The following TET3 variants were observed in gnomAD, a reference collection of about 807,000 sequenced individuals.
TET3 encodes methylcytosine dioxygenase TET3.
TET3 carries 19 observed loss-of-function variants against 141.4 expected under a neutral mutation model. The ratio of observed to expected loss-of-function variants is 0.13; its 90% CI spans 0.09 to 0.20. The LOEUF (loss-of-function observed/expected upper bound fraction) is 0.20, where lower values mean the gene tolerates loss of function less well. Among genes scored for constraint, TET3 ranks in the 10% least tolerant of loss-of-function variants. The probability of loss-of-function intolerance (pLI) is 1.00; values close to 1 mark genes in which losing one functional copy is unlikely to be tolerated. For synonymous variants in TET3, 1,043 were observed against 980.9 expected (o/e 1.06, Z -1.18); for missense variants, 1,874 against 2,356.9 (o/e 0.80, Z 4.24).
At position 74,107,681 on chromosome 2, in the gene TET3, ATTTCTTATCTCTTTGAATTCCTGT is replaced by A. The variant is rs1691582519; in HGVS notation, c.*5508_*5531del. Reference sequence around the variant, plus strand: ...CCCCTGTAGCTTTTTGATGTGTTTTATTTCTTATCTCTTTGAATTCCTGTTTGGTTACTTGGCTTCCAATGGAGG... The same window carrying A: ...CCCCTGTAGCTTTTTGATGTGTTTTATTGGTTACTTGGCTTCCAATGGAGG... On this transcript the variant is annotated 3_prime_UTR_variant, in exon 12 of 12. Transcript: ENST00000409262. 6.6e-6 allele frequency: 1 copy of A among 152,092 alleles called. No individual in the cohort carries two copies. Among genetic ancestry groups the A allele is most frequent in the Non-Finnish European group, 1.5e-5 (1 of 68,012 alleles). The allele number at this position is 152,092 out of a possible 1,614,324, so 9.4% of individuals were successfully genotyped here.
intron 3 of TET3, among the ~76,000 whole-genome samples, chr2:74,042,958 C>T (rs1275960835): frequency 6.6e-6 from 1 of 152,198 alleles, no homozygotes; most frequent in Admixed American, 6.5e-5. Flanking sequence ...CATTTTCCTT[C>T]CCAGGGAATT....
chr2:74,126,452 A>C, the TET3 span, among the ~76,000 whole-genome samples: 1 of 150,860 alleles, frequency 6.6e-6, no homozygotes, highest in Non-Finnish European at 1.5e-5. Flanking sequence ...ATCTGTGTAG[A>C]GTTTTAAATC....
chr2:74,067,802 A>T (rs566985970), intron 4 of TET3, among the ~76,000 whole-genome samples: 1 of 152,366 alleles, frequency 6.6e-6, no homozygotes, highest in Admixed American at 6.5e-5. Context: ...GTTACATGGG[A>T]TACCGAGTGG....
the TET3 span, chr2:74,134,577 G>C: frequency 2.4e-6 from 1 of 412,588 alleles, no homozygotes; most frequent in South Asian, 1.8e-5. Context: ...AGGCAAAGGA[G>C]TGTGAGAGAG....
At position 74,090,771 on chromosome 2, in the gene TET3, C is replaced by T. The variant is rs540648276; in HGVS notation, c.3039+724C>T. Among the ~76,000 whole-genome samples the T allele has an allele frequency of 2.6e-5, 4 of 152,366 alleles. No homozygotes were observed. In the South Asian group the frequency reaches 8.3e-4, roughly 32 times the overall value. On this transcript the variant is annotated intron_variant, in intron 8 of 11. Coordinates refer to ENST00000409262, the MANE Select transcript of TET3 (RefSeq NM_001287491.2). ...CTGATGCCTGCATGGCAAAGGCCCT[C>T]CTGAGAGGCGGTCTCCACTCAGCTC...
At chr2:74,115,372 G>C in the TET3 span, among the ~76,000 whole-genome samples, 1 of 152,126 alleles carries the variant, frequency 6.6e-6, no homozygotes, top group Non-Finnish European at 1.5e-5. Context: ...TAAGCCACGG[G>C]ATAAAAAGGA....
intron 3 of TET3, among the ~76,000 whole-genome samples, chr2:74,018,888 A>C (rs186170699): frequency 1.3e-5 from 2 of 152,258 alleles, no homozygotes; most frequent in Non-Finnish European, 2.9e-5. Context: ...TTTACAATGA[A>C]TCTTCCTATC....
intron 4 of TET3, among the ~76,000 whole-genome samples, chr2:74,054,085 A>T: frequency 6.6e-6 from 1 of 152,294 alleles, no homozygotes; most frequent in East Asian, 1.9e-4. Flanking sequence ...AGACACATGA[A>T]GATGCGGAAG....
chr2:74,009,539 A>G (rs1685318917), intron 3 of TET3, among the ~76,000 whole-genome samples: 1 of 152,198 alleles, frequency 6.6e-6, no homozygotes, highest in African/African-American at 2.4e-5. Context: ...TAGGGGAGGA[A>G]TACAGAAATG....
the TET3 span, among the ~76,000 whole-genome samples, chr2:74,114,922 C>T: frequency 6.9e-6 from 1 of 145,702 alleles, no homozygotes; most frequent in East Asian, 2.1e-4. Context: ...AAACTAGAAT[C>T]CCACTTCTCA....
chr2:74,075,020 G>GCCA (rs1381923873), intron 5 of TET3, among the ~76,000 whole-genome samples: 1 of 152,064 alleles, frequency 6.6e-6, no homozygotes, highest in African/African-American at 2.4e-5. Flanking sequence ...ACAGGCGCCT[G>GCCA]CCACCACGCC....
chr2:74,126,349 T>C, the TET3 span, among the ~76,000 whole-genome samples: 2 of 152,204 alleles, frequency 1.3e-5, no homozygotes, highest in Admixed American at 6.5e-5. Context: ...TTTTTTGGCA[T>C]AGGACCTGTA....
At chr2:74,085,294 A>G (rs1690061375) in intron 6 of TET3, among the ~76,000 whole-genome samples, 1 of 152,128 alleles carries the variant, frequency 6.6e-6, no homozygotes, top group Non-Finnish European at 1.5e-5. Flanking sequence ...TGATGGCAAT[A>G]AGGCCTGGCC....
Position 74,048,378 on chromosome 2 carries a change from G to T in TET3, c.2461G>T (p.Ala821Ser), listed in dbSNP as rs747638221. ...TCTGCTGGACACACCTGCCAAGAGA[G>T]CCCAGGCCGAGTTCCCCACCTGCGA... is the stretch of plus-strand genomic sequence containing the variant. ...KSLLDTPAKR[A>S]QAEFPTCDCV... is the part of the protein sequence containing the mutation. Residue 821 changes from alanine to serine, a missense_variant, in exon 4 of 12, where the codon GCC becomes TCC. This residue lies in a region of TET3 where 83 missense variants were observed against 107.0 expected (regional missense o/e 0.78). Transcript: ENST00000409262. 4 of 1,611,638 alleles carry T rather than the reference G, an allele frequency of 2.5e-6. No individual in the cohort carries two copies. The African/African-American group carries it at 5.4e-5, about 22-fold the overall frequency.
intron 3 of TET3, among the ~76,000 whole-genome samples, chr2:74,011,665 C>A (rs1021771771): frequency 1.3e-5 from 2 of 152,074 alleles, no homozygotes; most frequent in African/African-American, 4.8e-5. Flanking sequence ...TCGGTGAATC[C>A]AAAAATCCAT....
chr2:74,035,695 C>G (rs1048652178), intron 3 of TET3, among the ~76,000 whole-genome samples: 1 of 152,082 alleles, frequency 6.6e-6, no homozygotes, highest in African/African-American at 2.4e-5. Context: ...CCATTGCACT[C>G]CAGCCTGGGC....
chr2:74,059,402 G>A (rs1422544709), intron 4 of TET3, among the ~76,000 whole-genome samples: 1 of 152,120 alleles, frequency 6.6e-6, no homozygotes, highest in African/African-American at 2.4e-5. Context: ...ACAGGCATGC[G>A]CCACCACACC....
At chr2:73,990,928 C>T (rs908719615) in intron 2 of TET3, among the ~76,000 whole-genome samples, 5 of 152,038 alleles carry the variant, frequency 3.3e-5, no homozygotes, top group Non-Finnish European at 5.9e-5. Flanking sequence ...AGAAAGGGAC[C>T]GCATCTGAGC....
downstream of TET3, among the ~76,000 whole-genome samples, chr2:74,108,532 G>A (rs1691627424): frequency 6.6e-6 from 1 of 152,124 alleles, no homozygotes; most frequent in South Asian, 2.1e-4. Context: ...GTTTGCTAAA[G>A]GATCACCAAA....
Sources: allele counts gnomAD v4.1 joint callset (sites outside exome capture counted in the v4.1 genomes callset), GRCh38; gene constraint gnomAD v4.1.1; regional missense constraint gnomAD v4.1.1; transcripts MANE v1.5; gene names NCBI Gene and HGNC (gene_info 2026-07-23, HGNC 2026-07-21).